SLC17A5: variants seen among roughly 807,000 people sequenced by gnomAD.
SLC17A5 encodes the protein solute carrier family 17 member 5.
Under a neutral mutation model 59.4 loss-of-function variants are expected in SLC17A5, and 47 were observed. The ratio of observed to expected loss-of-function variants is 0.79; its 90% CI spans 0.63 to 1.01. The LOEUF (loss-of-function observed/expected upper bound fraction) is 1.01, where lower values mean the gene tolerates loss of function less well. Among genes scored for constraint, SLC17A5 ranks in the 50% least tolerant of loss-of-function variants. The pLI is 0.00. For missense variants in SLC17A5, 522 were observed against 595.5 expected (o/e 0.88, Z 1.28); for synonymous variants, 202 against 210.7 (o/e 0.96, Z 0.36).
At chr6:73,633,872 T>G (rs753400126) in intron 6 of SLC17A5, among the ~76,000 whole-genome samples, 33 of 150,626 alleles carry the variant, frequency 2.2e-4, no homozygotes, top group Non-Finnish European at 4.4e-4. Flanking sequence ...AGAGCGAAAC[T>G]CCGTCTAAAA....
At chr6:73,649,577 C>T (rs1769749319) in intron 1 of SLC17A5, among the ~76,000 whole-genome samples, 1 of 152,168 alleles carries the variant, frequency 6.6e-6, no homozygotes, top group Non-Finnish European at 1.5e-5. Context: ...TGCACTTCAG[C>T]CTGGGCAACA....
chr6:73,595,876 C>T (rs916352069), intron 10 of SLC17A5, among the ~76,000 whole-genome samples: 2 of 149,896 alleles, frequency 1.3e-5, no homozygotes, highest in Admixed American at 6.7e-5. Context: ...CCATGCCTGG[C>T]TAATTTTCTT....
At chr6:73,616,576 C>G (rs1427632840) in intron 7 of SLC17A5, among the ~76,000 whole-genome samples, 1 of 114,908 alleles carries the variant, frequency 8.7e-6, no homozygotes, top group Non-Finnish European at 1.8e-5. Flanking sequence ...CACACACACA[C>G]ACACGTTTAT....
intron 10 of SLC17A5, 115 bp downstream of exon 10, chr6:73,600,235 TA>T: frequency 1.2e-6 from 1 of 845,844 alleles, no homozygotes; most frequent in Non-Finnish European, 2.0e-6. Flanking sequence ...TTTTTGTTGC[TA>T]AAAAGAATTT....
intron 9 of SLC17A5, among the ~76,000 whole-genome samples, chr6:73,603,061 T>C (rs990938022): frequency 6.6e-6 from 1 of 152,220 alleles, no homozygotes; most frequent in African/African-American, 2.4e-5. Flanking sequence ...TCCTATTTTT[T>C]TCTGTCTGTA....
intron 1 of SLC17A5, among the ~76,000 whole-genome samples, chr6:73,651,460 CA>C (rs538079302): frequency 0.059 from 1,775 of 29,874 alleles, 11 homozygotes; most frequent in African/African-American, 0.12. Flanking sequence ...AACTCCGTCT[CA>C]AAAAAAAAAA....
intron 9 of SLC17A5, among the ~76,000 whole-genome samples, chr6:73,606,618 C>T (rs557108176): frequency 6.6e-6 from 1 of 152,244 alleles, no homozygotes; most frequent in East Asian, 1.9e-4. Context: ...CACAGGATCC[C>T]CCTGCTGCCT....
At chr6:73,633,587 ATCAATCTTGGGCTAG>A (rs1768864103) in intron 6 of SLC17A5, among the ~76,000 whole-genome samples, 1 of 151,974 alleles carries the variant, frequency 6.6e-6, no homozygotes, top group Non-Finnish European at 1.5e-5. Flanking sequence ...TATTTAAAAT[ATCAATCTTGGGCTAG>A]GCACAGTGGT....
chr6:73,594,862 A>G lies in SLC17A5; in HGVS notation c.*215T>C, dbSNP rs1366802474. 1.1e-5 allele frequency: 6 copies of G among 570,680 alleles called. No individual in the cohort carries two copies. Among genetic ancestry groups the G allele is most frequent in the Non-Finnish European group, 1.8e-5 (6 of 326,238 alleles). The allele number at this position is 570,680 out of a possible 1,614,324, so 35.4% of individuals were successfully genotyped here. ...GACTAGCAGGCAGGTATGTGAACCT[A>G]AAGTAGAAGTCCTAGCTTACATATT... On this transcript the variant is annotated 3_prime_UTR_variant, in exon 11 of 11. Transcript: ENST00000355773.
intron 10 of SLC17A5, among the ~76,000 whole-genome samples, chr6:73,600,098 T>C (rs538480303): frequency 6.6e-6 from 1 of 152,196 alleles, no homozygotes; most frequent in Non-Finnish European, 1.5e-5. Flanking sequence ...CCGGCCAATA[T>C]CACAACTTTT....
intron 1 of SLC17A5, among the ~76,000 whole-genome samples, chr6:73,648,064 C>T (rs573734860): frequency 1.3e-5 from 2 of 150,874 alleles, no homozygotes; most frequent in Admixed American, 6.6e-5. Flanking sequence ...AGCGAGACTT[C>T]GTCTCAAAAA....
intron 1 of SLC17A5, among the ~76,000 whole-genome samples, chr6:73,649,547 G>A (rs571628049): frequency 6.6e-6 from 1 of 152,330 alleles, no homozygotes; most frequent in South Asian, 2.1e-4. Context: ...TTAGGCTGCA[G>A]TGAGCTGTGA....
At chr6:73,650,885 G>A (rs148351946) in intron 1 of SLC17A5, among the ~76,000 whole-genome samples, 4 of 152,222 alleles carry the variant, frequency 2.6e-5, no homozygotes, top group African/African-American at 9.6e-5. Flanking sequence ...TTAGCATGCT[G>A]ACACAATTCT....
intron 6 of SLC17A5, among the ~76,000 whole-genome samples, chr6:73,632,983 A>G (rs993561616): frequency 7.2e-5 from 11 of 151,806 alleles, no homozygotes; most frequent in Admixed American, 3.9e-4. Context: ...TAAACTTTCA[A>G]AGTAACTTAA....
In SLC17A5 at chr6:73,636,709, T is replaced by C. The variant is rs1769022081; in HGVS notation, c.614-2A>G. 6.3e-7 allele frequency: 1 copy of C among 1,597,750 alleles called. No individual in the cohort carries two copies. The highest frequency in any genetic ancestry group is 1.7e-5 in the Admixed American group (1 of 59,974). ...AAATTACTGTCCCAAGCTGTGCTCC[T>C]AGAACAACACATAAGACTATTTTAT... On this transcript the variant is annotated splice_acceptor_variant, in intron 4 of 10. Coordinates refer to ENST00000355773, the MANE Select transcript of SLC17A5 (RefSeq NM_012434.5). LOFTEE classifies it high-confidence loss of function.
At chr6:73,630,498 T>C (rs907108451) in intron 6 of SLC17A5, among the ~76,000 whole-genome samples, 5 of 152,162 alleles carry the variant, frequency 3.3e-5, no homozygotes, top group African/African-American at 1.2e-4. Context: ...GCATAAGCTA[T>C]CTACAATGCA....
intron 6 of SLC17A5, among the ~76,000 whole-genome samples, chr6:73,625,429 C>T (rs4708068): frequency 0.056 from 8,512 of 152,164 alleles, 427 homozygotes; most frequent in Admixed American, 0.16. Context: ...TCAGGTGATC[C>T]GCTAGCCTCG....
chr6:73,640,673 C>T (rs1769233364), intron 3 of SLC17A5, among the ~76,000 whole-genome samples: 1 of 152,020 alleles, frequency 6.6e-6, no homozygotes, highest in South Asian at 2.1e-4. Flanking sequence ...TACACCATTC[C>T]CTGGATTTCA....
rs1453297890 is a variant in SLC17A5 at position 73,644,487 on chromosome 6, T to C, written c.211A>G (p.Asn71Asp). 1 of 1,614,078 alleles carries C rather than the reference T, an allele frequency of 6.2e-7. No homozygotes were observed. The highest frequency in any genetic ancestry group is 1.1e-5 in the South Asian group (1 of 91,082). The change falls in exon 2 of 11, where the codon AAT becomes GAT. Residue 71 changes from asparagine to aspartate, a missense_variant. Coordinates refer to ENST00000355773, the MANE Select transcript of SLC17A5 (RefSeq NM_012434.5). ...GTTCTATTATCTTCTAAAGTTGTAT[T>C]TGAATCTACCATATCCACTAACGCA... Reference protein sequence around the residue: ...SVALVDMVDSNTTLEDNRTSK... With the variant: ...SVALVDMVDSDTTLEDNRTSK...
Sources: allele counts gnomAD v4.1 joint callset (sites outside exome capture counted in the v4.1 genomes callset), GRCh38; gene constraint gnomAD v4.1.1; transcripts MANE v1.5; gene names NCBI Gene and HGNC (gene_info 2026-07-23, HGNC 2026-07-21).